The following PCDHGA10 variants were observed in gnomAD, a reference collection of about 807,000 sequenced individuals.
PCDHGA10 encodes the protein protocadherin gamma subfamily A, 10.
Under a neutral mutation model 59.5 loss-of-function variants are expected in PCDHGA10, and 42 were observed. The observed-to-expected ratio is 0.71, with a 90% CI of 0.55 to 0.91. PCDHGA10 has a LOEUF of 0.91. Among genes scored for constraint, PCDHGA10 ranks in the 40% least tolerant of loss-of-function variants. The probability of loss-of-function intolerance (pLI) is 0.00; values close to 1 mark genes in which losing one functional copy is unlikely to be tolerated. For synonymous variants in PCDHGA10, 511 were observed against 517.2 expected, an observed-to-expected ratio of 0.99 and a Z score of 0.16; for missense variants, 1,111 against 1,198.2, an observed-to-expected ratio of 0.93 and a Z score of 1.07.
intron 1 of PCDHGA10, among the ~76,000 whole-genome samples, chr5:141,449,561 C>T (rs777459619): frequency 2.7e-4 from 39 of 147,008 alleles, no homozygotes; most frequent in Non-Finnish European, 4.6e-4. Flanking sequence ...TGCACTCCAG[C>T]CTGGGCGACA....
intron 3 of PCDHGA10, among the ~76,000 whole-genome samples, chr5:141,506,363 C>T (rs1013247178): frequency 4.0e-5 from 6 of 150,792 alleles, no homozygotes; most frequent in South Asian, 4.2e-4. Context: ...GCAGGAGAAT[C>T]GCTTGAACCT....
chr5:141,509,621 C>T (rs1179988828), intron 3 of PCDHGA10, among the ~76,000 whole-genome samples: 1 of 152,178 alleles, frequency 6.6e-6, no homozygotes, highest in African/African-American at 2.4e-5. Flanking sequence ...AAACAAGTTC[C>T]TGGGTGATGC....
At chr5:141,473,942 G>A (rs1419813166) in intron 1 of PCDHGA10, among the ~76,000 whole-genome samples, 3 of 152,124 alleles carry the variant, frequency 2.0e-5, no homozygotes, top group Non-Finnish European at 2.9e-5. Flanking sequence ...AGTAGCTCAG[G>A]CCTGTAGTCC....
intron 1 of PCDHGA10, among the ~76,000 whole-genome samples, chr5:141,437,452 G>GACTAT (rs1319101256): frequency 6.6e-6 from 1 of 152,144 alleles, no homozygotes; most frequent in Non-Finnish European, 1.5e-5. Context: ...ATGTTGAGGA[G>GACTAT]ACTATACTAT....
rs761468303 is a variant in PCDHGA10 at position 141,421,659 on chromosome 5, T to C, written c.2436+6048T>C. 4 of 1,613,700 alleles carry C rather than the reference T, an allele frequency of 2.5e-6. No individual in the cohort carries two copies. The Admixed American group carries it at 6.7e-5, about 27-fold the overall frequency. On this transcript the variant is annotated intron_variant, in intron 1 of 3. Transcript: ENST00000398610. ...AGGACGAAGTGGAGATAAAAGTCAG[T>C]GAGCACGCAATTCCTGGGGCGCGAT...
intron 1 of PCDHGA10, among the ~76,000 whole-genome samples, chr5:141,483,644 G>A (rs2099584188): frequency 6.8e-6 from 1 of 146,522 alleles, no homozygotes; most frequent in African/African-American, 2.7e-5. Context: ...AGAGGGGTGT[G>A]TGTTTGTGTG....
At chr5:141,498,551 C>T (rs749191535) in intron 2 of PCDHGA10, among the ~76,000 whole-genome samples, 2 of 151,950 alleles carry the variant, frequency 1.3e-5, no homozygotes, top group Non-Finnish European at 2.9e-5. Context: ...GTCAGACACA[C>T]CAGCTTCAAA....
Position 141,414,081 on chromosome 5 carries a change from T to G in PCDHGA10, c.906T>G (p.Thr302=). 6.2e-7 allele frequency: 1 copy of G among 1,601,774 alleles called. No individual in the cohort carries two copies. Among genetic ancestry groups the G allele is most frequent in the Non-Finnish European group, 8.5e-7 (1 of 1,174,148 alleles). The change falls in exon 1 of 4, where the codon ACT becomes ACG. Residue 302 remains threonine (T), a synonymous_variant. Coordinates refer to ENST00000398610, the MANE Select transcript of PCDHGA10 (RefSeq NM_018913.3). ...TGAAGTTCCAACTAAACAAATATAC[T>G]GGAGAAATAAAAATATCAGAAAATC... ...QLLKFQLNKY[T]GEIKISENLD...
chr5:141,450,258 T>A (rs1267755848), intron 1 of PCDHGA10, among the ~76,000 whole-genome samples: 1 of 152,096 alleles, frequency 6.6e-6, no homozygotes, highest in Non-Finnish European at 1.5e-5. Context: ...CCTCAAGTGA[T>A]CTGCCCACCT....
At chr5:141,488,021 C>A (rs570700985) in intron 1 of PCDHGA10, among the ~76,000 whole-genome samples, 1 of 152,244 alleles carries the variant, frequency 6.6e-6, no homozygotes, top group East Asian at 1.9e-4. Flanking sequence ...TACCTTAACT[C>A]TAGGTTACCA....
At position 141,432,540 on chromosome 5, in the gene PCDHGA10, T is replaced by A. The variant is rs147884705; in HGVS notation, c.2436+16929T>A. 7.6e-4 allele frequency: 1,222 copies of A among 1,613,608 alleles called. 1 individual carries two copies. The highest frequency in any genetic ancestry group is 1.1e-3 in the Admixed American group (64 of 59,988). ...TACCTGGTGACCAAGGTGGTGGCGG[T>A]GGACAGAGACTCCGGCCAGAACGCC... On this transcript the variant is annotated intron_variant, in intron 1 of 3. Transcript: ENST00000398610. This position sits in a 1 kb window ranked among gnomAD's most constrained non-coding sequence, Gnocchi z 6.0.
intron 1 of PCDHGA10, among the ~76,000 whole-genome samples, chr5:141,479,050 C>T (rs1484021560): frequency 6.6e-6 from 1 of 152,164 alleles, no homozygotes; most frequent in African/African-American, 2.4e-5. Context: ...ACCTCATTCT[C>T]AGATAATTTT....
chr5:141,466,223 T>C (rs1313406487), intron 1 of PCDHGA10, among the ~76,000 whole-genome samples: 1 of 152,096 alleles, frequency 6.6e-6, no homozygotes, highest in African/African-American at 2.4e-5. Context: ...CAGGCTGGAG[T>C]GCAGTGGCAC....
Position 141,494,864 on chromosome 5 carries a change from G to T in PCDHGA10, c.2494G>T (p.Gly832Cys), listed in dbSNP as rs773899530. 12 of 1,613,950 alleles carry T rather than the reference G, an allele frequency of 7.4e-6. No individual in the cohort carries two copies. Among genetic ancestry groups the T allele is most frequent in the South Asian group, 1.1e-5 (1 of 91,080 alleles). ...TCAGGCCCAGAGACCCGGCACCAGC[G>T]GGTAGGTGACTGATTCTCCAGCCCA... Reference protein sequence around the residue: ...FSQAQRPGTSGSQNGDDTGTW... With the variant: ...FSQAQRPGTSCSQNGDDTGTW... Residue 832 changes from glycine to cysteine, a missense_variant and splice_region_variant, in exon 2 of 4, where the codon GGC becomes TGC. Physicochemically the swap from Gly to Cys is radical, Grantham distance 159 (BLOSUM62 -3). Coordinates refer to ENST00000398610, the MANE Select transcript of PCDHGA10 (RefSeq NM_018913.3).
At position 141,487,934 on chromosome 5, in the gene PCDHGA10, C is replaced by G; in HGVS notation, c.2437-6873C>G. 4.9e-6 allele frequency: 3 copies of G among 607,674 alleles called. No individual in the cohort carries two copies. Among genetic ancestry groups the G allele is most frequent in the Non-Finnish European group, 5.8e-6 (2 of 347,576 alleles). The allele number at this position is 607,674 out of a possible 1,614,324, so 37.6% of individuals were successfully genotyped here. A position where few individuals can be genotyped will look rare whatever the true frequency, so the allele number is the denominator to read the frequency against. On this transcript the variant is annotated intron_variant, in intron 1 of 3. Transcript: ENST00000398610. The surrounding 1 kb of genome is among the most constrained non-coding windows in gnomAD (Gnocchi z 5.0). ...ACAGGAGGCTACAGTGCACAGGGTA[C>G]AGTGCACCAGGCAGTCACTTGGACA... is the stretch of plus-strand genomic sequence containing the variant.
intron 1 of PCDHGA10, among the ~76,000 whole-genome samples, chr5:141,454,836 C>T (rs1201514890): frequency 1.3e-4 from 11 of 85,100 alleles, no homozygotes; most frequent in African/African-American, 2.1e-4. Context: ...GAGACAGAGT[C>T]GCGCTCTGTC....
intron 1 of PCDHGA10, among the ~76,000 whole-genome samples, chr5:141,492,474 G>T (rs2099741007): frequency 6.6e-6 from 1 of 152,218 alleles, no homozygotes; most frequent in African/African-American, 2.4e-5. Context: ...CCCAGATCGC[G>T]GCCGCCCAGG....
rs749044339 is a variant in PCDHGA10, at chr5:141,477,410, G to A, written c.2437-17397G>A. On this transcript the variant is annotated intron_variant, in intron 1 of 3. Coordinates refer to ENST00000398610, the MANE Select transcript of PCDHGA10 (RefSeq NM_018913.3). This position sits in a 1 kb window ranked among gnomAD's most constrained non-coding sequence, Gnocchi z 4.9. ...CAACCTCAGCATCACCGCCCGAGAC[G>A]CCGGAACCCCTTCCCTCTCAGCCCT... 66 of 1,613,988 alleles carry A rather than the reference G, an allele frequency of 4.1e-5. 1 individual carries two copies. The South Asian group carries it at 7.0e-4, about 17-fold the overall frequency.
chr5:141,458,597 T>C (rs940896214), intron 1 of PCDHGA10, among the ~76,000 whole-genome samples: 18 of 151,988 alleles, frequency 1.2e-4, no homozygotes, highest in Non-Finnish European at 2.4e-4. Context: ...TGGAGACGAG[T>C]CTCACTCTGT....
Sources: gnomAD v4.1 joint callset for allele counts (sites outside exome capture counted in the v4.1 genomes callset) on GRCh38, gnomAD v4.1.1 for gene constraint, Gnocchi (gnomAD v3.1) non-coding constraint, MANE v1.5 for transcripts, NCBI Gene and HGNC (gene_info 2026-07-23, HGNC 2026-07-21) for gene names.